The following FUT9 variants were observed in gnomAD, a reference collection of about 807,000 sequenced individuals.
FUT9 encodes the protein fucosyltransferase 9.
A neutral mutation model predicts 29.7 loss-of-function variants in FUT9; 15 were observed. The observed-to-expected ratio is 0.51, with a 90% CI of 0.34 to 0.78. The LOEUF is 0.78. Ranked by LOEUF, FUT9 falls within the 30% of genes least tolerant of loss-of-function variation. FUT9 has a pLI of 0.01. For missense variants in FUT9, 319 were observed against 425.4 expected (o/e 0.75, Z 2.20); for synonymous variants, 169 against 153.7 (o/e 1.10, Z -0.74).
intron 1 of FUT9, among the ~76,000 whole-genome samples, chr6:96,035,370 G>A (rs937722469): frequency 4.0e-5 from 6 of 151,112 alleles, no homozygotes; most frequent in Non-Finnish European, 5.9e-5. Context: ...TCTTTTCTTG[G>A]AACAGTAAAT....
chr6:96,155,383 A>T (rs1772761319), intron 2 of FUT9, among the ~76,000 whole-genome samples: 1 of 152,186 alleles, frequency 6.6e-6, no homozygotes, highest in South Asian at 2.1e-4. Flanking sequence ...TCTTTAAAGA[A>T]GTGATTAGGT....
chr6:96,080,257 T>TTATG (rs1771212842), intron 1 of FUT9, among the ~76,000 whole-genome samples: 2 of 151,974 alleles, frequency 1.3e-5, no homozygotes, highest in Non-Finnish European at 2.9e-5. Flanking sequence ...TAATAATTTT[T>TTATG]TCAATGGTTA....
At chr6:96,173,827 C>A (rs917214869) in intron 2 of FUT9, among the ~76,000 whole-genome samples, 49 of 152,102 alleles carry the variant, frequency 3.2e-4, no homozygotes, top group African/African-American at 1.1e-3. Flanking sequence ...TATCTTCTTA[C>A]AGCTTTGCTA....
Position 96,203,917 on chromosome 6 carries a change from G to T in FUT9, c.762G>T (p.Thr254=), listed in dbSNP as rs367604602. ...ATTCAATCCACAAGGATTACATCAC[G>T]GAAAAGCTATACAATGCTTTTCTGG... The part of the protein sequence containing the change: ...FENSIHKDYI[T]EKLYNAFLAG... Residue 254 remains threonine (T), a synonymous_variant, in exon 3 of 3, where the codon ACG becomes ACT. Transcript: ENST00000302103. 4.0e-5 allele frequency: 64 copies of T among 1,610,484 alleles called. No homozygotes were observed. Among genetic ancestry groups the T allele is most frequent in the Non-Finnish European group, 5.3e-5 (62 of 1,177,262 alleles).
Position 96,145,307 on chromosome 6 carries a change from C to T in FUT9, c.-9+31180C>T, listed in dbSNP as rs9377421. On this transcript the variant is annotated intron_variant, in intron 2 of 2. Transcript: ENST00000302103. ...TCTCCTGACCGTGATCCGCCCGCCT[C>T]GGCCTCCCAAAGTGCTGGGATTACA... 4.1e-4 allele frequency among the ~76,000 whole-genome samples: 63 copies of T among 152,218 alleles called. No individual in the cohort carries two copies. The East Asian group carries it at 0.011, about 27-fold the overall frequency.
At chr6:96,046,172 C>T (rs1286095718) in intron 1 of FUT9, among the ~76,000 whole-genome samples, 2 of 150,274 alleles carry the variant, frequency 1.3e-5, no homozygotes, top group African/African-American at 2.5e-5. Flanking sequence ...TTAACTAGGA[C>T]CCAAAAGGGG....
intron 1 of FUT9, among the ~76,000 whole-genome samples, chr6:96,108,578 C>T (rs1771737143): frequency 2.0e-5 from 3 of 152,072 alleles, no homozygotes; most frequent in Admixed American, 1.3e-4. Context: ...CAGCATGACC[C>T]AGGGGTTCTC....
intron 1 of FUT9, among the ~76,000 whole-genome samples, chr6:96,038,057 C>T (rs1376496348): frequency 3.3e-5 from 5 of 152,098 alleles, no homozygotes; most frequent in Non-Finnish European, 7.4e-5. Flanking sequence ...AGTGATGCTT[C>T]GGAGCGTTGC....
In FUT9 at chr6:96,213,534, A is replaced by G. The variant is rs7745157; in HGVS notation, c.*9299A>G. On this transcript the variant is annotated 3_prime_UTR_variant, in exon 3 of 3. Coordinates refer to ENST00000302103, the MANE Select transcript of FUT9 (RefSeq NM_006581.4). Reference sequence around the variant, plus strand: ...CAAACTCTTAAAAATACCCTGAAACATAATGCCAAATGTACAGTTTATAGG... The same window carrying G: ...CAAACTCTTAAAAATACCCTGAAACGTAATGCCAAATGTACAGTTTATAGG... The G allele has an allele frequency of 0.92, 153,465 of 166,850 alleles. 72,003 individuals carry two copies. Among genetic ancestry groups the G allele is most frequent in the Non-Finnish European group, 1 (67,874 of 68,006 alleles). 10.3% of individuals were successfully genotyped at this position (166,850 alleles called of 1,614,324 possible). A position where few individuals can be genotyped will look rare whatever the true frequency, so the allele number is the denominator to read the frequency against.
chr6:96,178,263 T>A (rs1004803848), intron 2 of FUT9, among the ~76,000 whole-genome samples: 13 of 152,202 alleles, frequency 8.5e-5, no homozygotes, highest in African/African-American at 2.9e-4. Flanking sequence ...CCTAACCCAC[T>A]TGATGAATTC....
intron 1 of FUT9, among the ~76,000 whole-genome samples, chr6:96,018,383 C>T (rs1471730868): frequency 6.6e-6 from 1 of 152,038 alleles, no homozygotes; most frequent in Non-Finnish European, 1.5e-5. Flanking sequence ...AACAAGGTCT[C>T]AGAATTATCT....
chr6:96,177,832 T>A (rs980669565), intron 2 of FUT9, among the ~76,000 whole-genome samples: 1 of 152,208 alleles, frequency 6.6e-6, no homozygotes, highest in Admixed American at 6.5e-5. Context: ...AGGTCCTCAA[T>A]ATAGAGTCTG....
intron 2 of FUT9, among the ~76,000 whole-genome samples, chr6:96,178,356 G>A (rs1773243626): frequency 6.6e-6 from 1 of 152,152 alleles, no homozygotes; most frequent in Non-Finnish European, 1.5e-5. Context: ...TATGGAAGAA[G>A]TCTTGGCCCA....
intron 2 of FUT9, among the ~76,000 whole-genome samples, chr6:96,192,094 T>C (rs184609372): frequency 1.3e-5 from 2 of 152,236 alleles, no homozygotes; most frequent in Admixed American, 6.5e-5. Context: ...ACAGCCAACA[T>C]CACACTGAAT....
chr6:96,147,734 G>T (rs1166259214), intron 2 of FUT9, among the ~76,000 whole-genome samples: 1 of 151,412 alleles, frequency 6.6e-6, no homozygotes, highest in African/African-American at 2.4e-5. Flanking sequence ...GAAGACCCTA[G>T]GAGTTTTTCA....
intron 1 of FUT9, among the ~76,000 whole-genome samples, chr6:96,087,318 T>A (rs1771333142): frequency 6.6e-6 from 1 of 151,938 alleles, no homozygotes; most frequent in Admixed American, 6.6e-5. Flanking sequence ...ACTCTACATA[T>A]GTCATGCAAA....
At chr6:96,126,202 G>A (rs1314895994) in intron 2 of FUT9, among the ~76,000 whole-genome samples, 5 of 152,264 alleles carry the variant, frequency 3.3e-5, no homozygotes, top group South Asian at 4.1e-4. Context: ...GAAATTTATG[G>A]TACGGCAGGC....
chr6:96,111,736 A>C (rs1771812087), intron 1 of FUT9, among the ~76,000 whole-genome samples: 1 of 152,296 alleles, frequency 6.6e-6, no homozygotes, highest in African/African-American at 2.4e-5. Context: ...TGGATGGTAA[A>C]AACAAAAACA....
chr6:96,146,739 T>C (rs1772574577), intron 2 of FUT9, among the ~76,000 whole-genome samples: 1 of 152,182 alleles, frequency 6.6e-6, no homozygotes, highest in African/African-American at 2.4e-5. Context: ...TTGGTGAAAG[T>C]TTTGTTTTAT....
Sources: gnomAD v4.1 joint callset for allele counts (sites outside exome capture counted in the v4.1 genomes callset) on GRCh38, gnomAD v4.1.1 for gene constraint, MANE v1.5 for transcripts, NCBI Gene and HGNC (gene_info 2026-07-23, HGNC 2026-07-21) for gene names.